JMJD1C: variants seen among roughly 807,000 people sequenced by gnomAD.
The protein encoded by JMJD1C is jumonji domain-containing protein 1C.
In JMJD1C, 31 loss-of-function variants were observed where a neutral mutation model predicts 245.3. That is an observed-to-expected ratio of 0.13 (90% CI 0.09 to 0.17). JMJD1C has a LOEUF of 0.17. Among genes scored for constraint, JMJD1C ranks in the 10% least tolerant of loss-of-function variants. The pLI, the probability that JMJD1C is intolerant of heterozygous loss-of-function variation, is 1.00. For missense variants in JMJD1C, 2,691 were observed against 3,000.2 expected, an observed-to-expected ratio of 0.90 and a Z score of 2.41; for synonymous variants, 1,057 against 1,017.4, an observed-to-expected ratio of 1.04 and a Z score of -0.74.
At chr10:63,395,928 G>A (rs933837573) in intron 1 of JMJD1C, among the ~76,000 whole-genome samples, 1 of 152,088 alleles carries the variant, frequency 6.6e-6, no homozygotes, top group Non-Finnish European at 1.5e-5. Context: ...AAAAAAGACA[G>A]ATGAAGGTTT....
chr10:63,376,129 C>A (rs866923393), intron 2 of JMJD1C, among the ~76,000 whole-genome samples: 2 of 152,130 alleles, frequency 1.3e-5, no homozygotes, highest in African/African-American at 4.8e-5. Flanking sequence ...CAGAAACAAA[C>A]CCTTGCATAT....
intron 2 of JMJD1C, among the ~76,000 whole-genome samples, chr10:63,355,744 T>TA (rs921049834): frequency 5.1e-4 from 75 of 146,126 alleles, no homozygotes; most frequent in Middle Eastern, 3.4e-3. Flanking sequence ...AGTTACTTAT[T>TA]AAAAAAAAAA....
intron 2 of JMJD1C, among the ~76,000 whole-genome samples, chr10:63,339,885 C>G (rs1380107447): frequency 6.6e-6 from 1 of 152,152 alleles, no homozygotes; most frequent in African/African-American, 2.4e-5. Context: ...GACAACTGTT[C>G]TAATTATCCT....
chr10:63,213,927 GTTC>G lies in JMJD1C; in HGVS notation c.2237_2239del (p.Arg746del). ...ATGATGGGTACCTGGATTTAAACAG[GTTC>G]TATGAGATGAGGAGTGAAGAGGAAA... On this transcript the variant is annotated inframe_deletion, in exon 8 of 26. Transcript: ENST00000399262. 1 of 1,614,148 alleles carries G rather than the reference GTTC, an allele frequency of 6.2e-7. No individual in the cohort carries two copies. Among genetic ancestry groups the G allele is most frequent in the Non-Finnish European group, 8.5e-7 (1 of 1,179,996 alleles).
chr10:63,245,478 C>CTTTTTTTTTTTTTTT (rs71025134), intron 3 of JMJD1C, among the ~76,000 whole-genome samples: 2 of 90,198 alleles, frequency 2.2e-5, no homozygotes, highest in Non-Finnish European at 2.1e-5. Context: ...CAGGGGAACT[C>CTTTTTTTTTTTTTTT]TTTTTTTTTT....
chr10:63,428,987 TG>T (rs557979851), intron 1 of JMJD1C, among the ~76,000 whole-genome samples: 5 of 151,674 alleles, frequency 3.3e-5, no homozygotes, highest in African/African-American at 4.8e-5. Flanking sequence ...TTTCTTTTGG[TG>T]GGGGGGAGGG....
intron 1 of JMJD1C, among the ~76,000 whole-genome samples, chr10:63,434,639 A>G (rs555833953): frequency 4.6e-5 from 7 of 152,248 alleles, no homozygotes; most frequent in Non-Finnish European, 1.0e-4. Context: ...GCACTTTGGG[A>G]GGCCAAGGCG....
intron 2 of JMJD1C, among the ~76,000 whole-genome samples, chr10:63,292,143 G>GCTTTTTTTTTT (rs1396774570): frequency 7.4e-5 from 1 of 13,516 alleles, no homozygotes; most frequent in Non-Finnish European, 1.8e-4. Context: ...TGTAGAGACA[G>GCTTTTTTTTTT]ATTTTTTTTT....
At chr10:63,436,666 A>G (rs1162214862) in intron 1 of JMJD1C, among the ~76,000 whole-genome samples, 1 of 151,996 alleles carries the variant, frequency 6.6e-6, no homozygotes, top group Non-Finnish European at 1.5e-5. Context: ...TAATTGTTCC[A>G]TTTCTCATTT....
intron 2 of JMJD1C, among the ~76,000 whole-genome samples, chr10:63,277,449 CAGGT>C (rs1281231752): frequency 6.6e-6 from 1 of 152,172 alleles, no homozygotes; most frequent in Non-Finnish European, 1.5e-5. Flanking sequence ...TTCCCTGATA[CAGGT>C]AACTTTTACT....
At chr10:63,181,415 G>A (rs1843461271) in intron 22 of JMJD1C, among the ~76,000 whole-genome samples, 1 of 152,134 alleles carries the variant, frequency 6.6e-6, no homozygotes, top group Admixed American at 6.6e-5. Context: ...TAGGGTGAAT[G>A]ATAATCTGAG....
chr10:63,435,523 T>C (rs1448452714), intron 1 of JMJD1C, among the ~76,000 whole-genome samples: 1 of 152,154 alleles, frequency 6.6e-6, no homozygotes, highest in Non-Finnish European at 1.5e-5. Context: ...TGAGGATTAA[T>C]ATGTATTTCT....
chr10:63,349,703 A>C (rs1944178293), intron 2 of JMJD1C, among the ~76,000 whole-genome samples: 1 of 152,218 alleles, frequency 6.6e-6, no homozygotes, highest in African/African-American at 2.4e-5. Flanking sequence ...AAATAGGTGA[A>C]AAGGCTTCAT....
Position 63,387,629 on chromosome 10 carries a change from A to ATTTTTTTTT in JMJD1C, c.169-7156_169-7148dup, listed in dbSNP as rs71025169. Among the ~76,000 whole-genome samples the ATTTTTTTTT allele has an allele frequency of 9.5e-4, 36 of 37,874 alleles. 5 individuals carry two copies. The highest frequency in any genetic ancestry group is 2.9e-3 in the African/African-American group (24 of 8,304). 24.8% of individuals were successfully genotyped at this position (37,874 alleles called of 152,430 possible). On this transcript the variant is annotated intron_variant, in intron 1 of 25. Transcript: ENST00000399262. ...AGTCAGAAGAAAAAAGAAAAAAAAA[A>ATTTTTTTTT]TTTTTTTTTTTTTTTTTTTTTTTTG...
intron 2 of JMJD1C, among the ~76,000 whole-genome samples, chr10:63,378,063 G>C (rs1589623108): frequency 6.6e-6 from 1 of 151,090 alleles, no homozygotes; most frequent in Non-Finnish European, 1.5e-5. Flanking sequence ...TCATACCACA[G>C]TGTTTTCCAA....
chr10:63,349,071 A>G (rs1378992497), intron 2 of JMJD1C, among the ~76,000 whole-genome samples: 1 of 123,568 alleles, frequency 8.1e-6, no homozygotes, highest in Non-Finnish European at 1.6e-5. Context: ...ATTGCACTTC[A>G]GCCTGGGTGA....
intron 2 of JMJD1C, among the ~76,000 whole-genome samples, chr10:63,265,061 G>A (rs947752185): frequency 2.0e-5 from 3 of 151,936 alleles, no homozygotes; most frequent in Admixed American, 2.0e-4. Context: ...AAAAATGTCT[G>A]CTTAAAAAGA....
chr10:63,181,677 G>C (rs1843495795), intron 22 of JMJD1C, among the ~76,000 whole-genome samples: 1 of 152,152 alleles, frequency 6.6e-6, no homozygotes, highest in Non-Finnish European at 1.5e-5. Context: ...AATATGCTAG[G>C]AACAGAAGCT....
At chr10:63,201,575 G>A (rs1296719570) in intron 10 of JMJD1C, among the ~76,000 whole-genome samples, 1 of 152,144 alleles carries the variant, frequency 6.6e-6, no homozygotes, top group African/African-American at 2.4e-5. Flanking sequence ...AGAATTTCTG[G>A]ACCGAGAGGA....
Sources: allele counts gnomAD v4.1 joint callset (sites outside exome capture counted in the v4.1 genomes callset), GRCh38; gene constraint gnomAD v4.1.1; transcripts MANE v1.5; gene names NCBI Gene and HGNC (gene_info 2026-07-23, HGNC 2026-07-21).